Variants in ORC4 observed in about 807,000 individuals in gnomAD.
The protein encoded by ORC4 is origin recognition complex, subunit 4 homolog.
A neutral mutation model predicts 63.9 loss-of-function variants in ORC4; 55 were observed. That is an observed-to-expected ratio of 0.86 (90% CI 0.69 to 1.08). ORC4 has a LOEUF of 1.08. ORC4 is among the 50% of genes least tolerant of loss of function. ORC4 has a pLI of 0.00. For missense variants in ORC4, 511 were observed against 504.4 expected (o/e 1.01, Z -0.13); for synonymous variants, 150 against 168.5 (o/e 0.89, Z 0.85).
At chr2:147,986,993 T>C (rs1691242808) in intron 1 of ORC4, among the ~76,000 whole-genome samples, 1 of 151,948 alleles carries the variant, frequency 6.6e-6, no homozygotes, top group Non-Finnish European at 1.5e-5. Flanking sequence ...AGAAAGAAAA[T>C]GTCTAAACTT....
In ORC4 at chr2:147,938,293, C is replaced by CT; in HGVS notation, c.1054+4dup. On this transcript the variant is annotated splice_donor_region_variant and intron_variant, in intron 12 of 13. Coordinates refer to ENST00000392857, the MANE Select transcript of ORC4 (RefSeq NM_181741.4). Reference sequence around the variant, plus strand: ...CAGAAAAAAGCTACTTAAGTCTCATCTCACCATTATAGACCATTTGAAAAT... The same window carrying CT: ...CAGAAAAAAGCTACTTAAGTCTCATCTTCACCATTATAGACCATTTGAAAAT... 6.3e-7 allele frequency: 1 copy of CT among 1,597,728 alleles called. No homozygotes were observed. Among genetic ancestry groups the CT allele is most frequent in the Non-Finnish European group, 8.6e-7 (1 of 1,165,644 alleles).
In ORC4 at chr2:147,930,538, C is replaced by T. The variant is rs1573724203; in HGVS notation, c.*4972G>A. The T allele has an allele frequency of 6.6e-6, 1 of 152,536 alleles. No homozygotes were observed. The highest frequency in any genetic ancestry group is 1.9e-4 in the East Asian group (1 of 5,180). 9.4% of individuals were successfully genotyped at this position (152,536 alleles called of 1,614,324 possible). On this transcript the variant is annotated 3_prime_UTR_variant, in exon 14 of 14. Coordinates refer to ENST00000392857, the MANE Select transcript of ORC4 (RefSeq NM_181741.4). Reference sequence around the variant, plus strand: ...TTGAACATCATTTACCTCAGATATTCAACCAGCAGTACGTTTTTTATGCAG... The same window carrying T: ...TTGAACATCATTTACCTCAGATATTTAACCAGCAGTACGTTTTTTATGCAG...
intron 9 of ORC4, among the ~76,000 whole-genome samples, chr2:147,946,925 T>A (rs1015890854): frequency 2.6e-5 from 4 of 152,040 alleles, no homozygotes; most frequent in African/African-American, 4.8e-5. Flanking sequence ...TCATGTATTC[T>A]TTTGCACTAA....
At chr2:147,959,499 A>C (rs1011326036) in intron 4 of ORC4, among the ~76,000 whole-genome samples, 5 of 152,084 alleles carry the variant, frequency 3.3e-5, no homozygotes, top group African/African-American at 1.2e-4. Context: ...GCAGTTGTAT[A>C]CACAAAATAT....
intron 2 of ORC4, 74 bp from the exon 3 acceptor site, chr2:147,973,598 T>G: frequency 4.6e-6 from 4 of 861,858 alleles, no homozygotes; most frequent in Non-Finnish European, 7.5e-6. Flanking sequence ...GAAAGCACAT[T>G]TACAATAGTC....
At chr2:148,003,771 C>A (rs574955381) in intron 1 of ORC4, among the ~76,000 whole-genome samples, 109 of 152,090 alleles carry the variant, frequency 7.2e-4, no homozygotes, top group African/African-American at 2.4e-3. Context: ...GGCAATCAGG[C>A]AAGAGAAAGA....
chr2:148,003,388 G>A (rs2105440647), intron 1 of ORC4, among the ~76,000 whole-genome samples: 1 of 152,298 alleles, frequency 6.6e-6, no homozygotes. Context: ...ACTGAATCCA[G>A]CAGCACATCA....
intron 1 of ORC4, among the ~76,000 whole-genome samples, chr2:148,010,304 C>T (rs753570512): frequency 6.6e-6 from 1 of 151,190 alleles, no homozygotes; most frequent in Non-Finnish European, 1.5e-5. Context: ...CAAGAGCATG[C>T]CAAGCCCCAA....
rs1209968416 is a variant in ORC4, at chr2:147,937,997, A to G, written c.1122+149T>C. On this transcript the variant is annotated intron_variant, in intron 13 of 13. Transcript: ENST00000392857. ...GGTCACTTCCTCAGATTTTTCCAAAATATTTCATTTTTAGATAATTTTCTT... is the reference window on the plus strand; with the variant it reads ...GGTCACTTCCTCAGATTTTTCCAAAGTATTTCATTTTTAGATAATTTTCTT... 4 of 681,180 alleles carry G rather than the reference A, an allele frequency of 5.9e-6. No homozygotes were observed. The East Asian group carries it at 8.1e-5, about 14-fold the overall frequency. 42.2% of individuals were successfully genotyped at this position (681,180 alleles called of 1,614,324 possible).
chr2:148,016,115 G>A (rs2105478943), intron 1 of ORC4, among the ~76,000 whole-genome samples: 1 of 152,198 alleles, frequency 6.6e-6, no homozygotes, highest in East Asian at 1.9e-4. Flanking sequence ...CACCAGCTGA[G>A]CAAAAATTTA....
At chr2:147,995,892 C>CG (rs573954242) in intron 1 of ORC4, among the ~76,000 whole-genome samples, 83 of 151,960 alleles carry the variant, frequency 5.5e-4, no homozygotes, top group African/African-American at 1.9e-3. Flanking sequence ...CCAGACACAT[C>CG]GGGAAGCTGA....
Position 147,937,965 on chromosome 2 carries a change from AAC to A in ORC4, c.1122+179_1122+180del, listed in dbSNP as rs17232036. On this transcript the variant is annotated intron_variant, in intron 13 of 13. Coordinates refer to ENST00000392857, the MANE Select transcript of ORC4 (RefSeq NM_181741.4). ...AGGGCAGTATACCTCCACAAACTAA[AAC>A]AACCGGTCACTTCCTCAGATTTTTC... 9.3e-4 allele frequency: 588 copies of A among 629,570 alleles called. 4 individuals are homozygous for A. The highest frequency in any genetic ancestry group is 8.7e-3 in the African/African-American group (469 of 54,216). 39.0% of individuals were successfully genotyped at this position (629,570 alleles called of 1,614,324 possible).
chr2:147,990,855 C>T (rs1303198901), intron 1 of ORC4, among the ~76,000 whole-genome samples: 2 of 151,924 alleles, frequency 1.3e-5, no homozygotes, highest in African/African-American at 4.8e-5. Context: ...TTTATAATGT[C>T]TTGGTACTTA....
At chr2:147,970,820 CT>C (rs1396076351) in intron 4 of ORC4, among the ~76,000 whole-genome samples, 5 of 152,010 alleles carry the variant, frequency 3.3e-5, no homozygotes, top group African/African-American at 1.2e-4. Context: ...ATAGAAAAAA[CT>C]GACAAATTAG....
chr2:147,993,505 C>T (rs1327629758), intron 1 of ORC4, among the ~76,000 whole-genome samples: 1 of 152,088 alleles, frequency 6.6e-6, no homozygotes, highest in Non-Finnish European at 1.5e-5. Flanking sequence ...GACCCTTCAG[C>T]TTATGCAAAA....
chr2:147,955,331 A>C lies in ORC4; in HGVS notation c.436+16T>G. The C allele has an allele frequency of 6.4e-7, 1 of 1,562,126 alleles. No homozygotes were observed. Among genetic ancestry groups the C allele is most frequent in the African/African-American group, 1.4e-5 (1 of 73,928 alleles). On this transcript the variant is annotated intron_variant, in intron 7 of 13. Coordinates refer to ENST00000392857, the MANE Select transcript of ORC4 (RefSeq NM_181741.4). ...AAAACAGATCTTCTGAAACGGCTGA[A>C]TATGTTAATATTTACCTTTTTTTAA... is the stretch of plus-strand genomic sequence containing the variant.
intron 4 of ORC4, 67 bp from the exon 5 acceptor site, chr2:147,958,933 AACT>A (rs1169586285): frequency 4.2e-6 from 3 of 708,512 alleles, no homozygotes; most frequent in African/African-American, 1.8e-5. Context: ...TTCGTTTTTA[AACT>A]ACAAGCAGTA....
At position 147,933,547 on chromosome 2, in the gene ORC4, A is replaced by C. The variant is rs996960321; in HGVS notation, c.*1963T>G. 2.0e-5 allele frequency: 3 copies of C among 152,058 alleles called. No homozygotes were observed. Among genetic ancestry groups the C allele is most frequent in the Non-Finnish European group, 2.9e-5 (2 of 67,996 alleles). The allele number at this position is 152,058 out of a possible 1,614,324, so 9.4% of individuals were successfully genotyped here. On this transcript the variant is annotated 3_prime_UTR_variant, in exon 14 of 14. Transcript: ENST00000392857. Reference sequence around the variant, plus strand: ...TTTCTTTATACTTGGTTATTGATGGATCTTCTGCAGCTCTTATGTAGCCAA... The same window carrying C: ...TTTCTTTATACTTGGTTATTGATGGCTCTTCTGCAGCTCTTATGTAGCCAA...
chr2:147,990,227 T>C (rs1691500788), intron 1 of ORC4, among the ~76,000 whole-genome samples: 1 of 152,220 alleles, frequency 6.6e-6, no homozygotes, highest in Non-Finnish European at 1.5e-5. Flanking sequence ...TAAAATGTTC[T>C]TGATTTGCTA....
Sources: allele counts gnomAD v4.1 joint callset (sites outside exome capture counted in the v4.1 genomes callset), GRCh38; gene constraint gnomAD v4.1.1; transcripts MANE v1.5; gene names NCBI Gene and HGNC (gene_info 2026-07-23, HGNC 2026-07-21).